Variants in NPEPL1 observed in about 807,000 individuals in gnomAD.
NPEPL1 encodes aminopeptidase like 1.
In NPEPL1, 45 loss-of-function variants were observed where a neutral mutation model predicts 52.4. The ratio of observed to expected loss-of-function variants is 0.86; its 90% CI spans 0.68 to 1.10. The LOEUF is 1.10. NPEPL1 is among the 50% of genes least tolerant of loss of function. The probability of loss-of-function intolerance (pLI) is 0.00; values close to 1 mark genes in which losing one functional copy is unlikely to be tolerated. For missense variants in NPEPL1, 696 were observed against 710.9 expected, an observed-to-expected ratio of 0.98 and a Z score of 0.24; for synonymous variants, 360 against 314.7, an observed-to-expected ratio of 1.14 and a Z score of -1.52.
chr20:58,704,297 A>T (rs979681258), intron 6 of NPEPL1: 9 of 974,746 alleles, frequency 9.2e-6, no homozygotes, highest in Non-Finnish European at 1.1e-5. Flanking sequence ...GAAAAAAAAA[A>T]TCACAGCTCC....
Position 58,713,926 on chromosome 20 carries a change from A to G in NPEPL1, c.1135A>G (p.Thr379Ala), listed in dbSNP as rs1206772755. 6.8e-7 allele frequency: 1 copy of G among 1,480,562 alleles called. No homozygotes were observed. The allele number at this position is 1,480,562 out of a possible 1,614,324, so 91.7% of individuals were successfully genotyped here. A position where few individuals can be genotyped will look rare whatever the true frequency, so the allele number is the denominator to read the frequency against. ...GTTCCTGCCCGCCCAGGGCATTGCC[A>G]CAGGGAAGTACCACGCCGCGGTGCT... ...ATLTGAQGIA[T>A]GKYHAAVLTN... The change falls in exon 10 of 12, where the codon ACA becomes GCA. Residue 379 changes from threonine (T) to alanine (A), a missense_variant. By Grantham distance (58) the Thr-to-Ala change is moderately conservative. Transcript: ENST00000356091. The surrounding 1 kb of genome is among the most constrained non-coding windows in gnomAD (Gnocchi z 4.6).
At chr20:58,706,378 C>T (rs546598583) in intron 6 of NPEPL1, among the ~76,000 whole-genome samples, 1 of 152,288 alleles carries the variant, frequency 6.6e-6, no homozygotes, top group South Asian at 2.1e-4. Context: ...CATCAACCCT[C>T]ACCATCATTC....
At position 58,715,513 on chromosome 20, in the gene NPEPL1, C is replaced by G; in HGVS notation, c.*187C>G. ...TTGGTGCGGGCCACGGGGAGGGGAC[C>G]GGGAAGCGCTGGGGCTTGTTTCTGT... On this transcript the variant is annotated 3_prime_UTR_variant, in exon 12 of 12. Transcript: ENST00000356091. The G allele has an allele frequency of 3.4e-6, 2 of 583,132 alleles. No homozygotes were observed. Among genetic ancestry groups the G allele is most frequent in the Non-Finnish European group, 5.8e-6 (2 of 347,706 alleles). The allele number at this position is 583,132 out of a possible 1,614,324, so 36.1% of individuals were successfully genotyped here. A position where few individuals can be genotyped will look rare whatever the true frequency, so the allele number is the denominator to read the frequency against.
intron 6 of NPEPL1, chr20:58,703,359 G>A: frequency 1.9e-6 from 1 of 527,266 alleles, no homozygotes; most frequent in Non-Finnish European, 2.4e-6. Flanking sequence ...AGAGATACCG[G>A]CACACGGTGG....
At position 58,701,167 on chromosome 20, in the gene NPEPL1, C is replaced by T. The variant is rs367985711; in HGVS notation, c.822+9C>T. On this transcript the variant is annotated intron_variant, in intron 6 of 11. Transcript: ENST00000356091. ...TCAGCATCAAAGGGAAGGTGAGGTGCGGGCTGGCTCTCAGGGTGCCCTGGG... is the reference window on the plus strand; with the variant it reads ...TCAGCATCAAAGGGAAGGTGAGGTGTGGGCTGGCTCTCAGGGTGCCCTGGG... The T allele has an allele frequency of 7.5e-6, 11 of 1,457,188 alleles. No individual in the cohort carries two copies. Among genetic ancestry groups the T allele is most frequent in the South Asian group, 1.3e-5 (1 of 79,836 alleles). 90.3% of individuals were successfully genotyped at this position (1,457,188 alleles called of 1,614,324 possible). A position where few individuals can be genotyped will look rare whatever the true frequency, so the allele number is the denominator to read the frequency against.
chr20:58,702,014 TG>T (rs2084636706), intron 6 of NPEPL1, among the ~76,000 whole-genome samples: 1 of 152,156 alleles, frequency 6.6e-6, no homozygotes, highest in African/African-American at 2.4e-5. Context: ...TGCTCAGGCC[TG>T]GGCTGGGAAG....
intron 11 of NPEPL1, 24 bp downstream of exon 11, chr20:58,714,694 GC>G: frequency 1.3e-6 from 2 of 1,538,474 alleles, no homozygotes; most frequent in Non-Finnish European, 1.8e-6. Context: ...CTCCCCACTG[GC>G]CCTGGCTGCT....
intron 4 of NPEPL1, among the ~76,000 whole-genome samples, 152 bp from the exon 5 acceptor site, chr20:58,699,045 C>G (rs966166770): frequency 1.3e-5 from 2 of 152,258 alleles, no homozygotes; most frequent in Admixed American, 1.3e-4. Flanking sequence ...GCCCCCTCTT[C>G]TGGGTTTCAT....
chr20:58,714,972 C>T (rs2084924605), intron 11 of NPEPL1, 196 bp from the exon 12 acceptor site: 3 of 670,124 alleles, frequency 4.5e-6, no homozygotes, highest in Admixed American at 3.0e-5. Flanking sequence ...CCCCTGCCTA[C>T]GCCTGGCCTG....
intron 5 of NPEPL1, 43 bp from the exon 6 acceptor site, chr20:58,700,973 G>C: frequency 6.9e-7 from 1 of 1,451,898 alleles, no homozygotes; most frequent in South Asian, 1.5e-5. Context: ...TCCCCGCTCA[G>C]CTCAGCCCGA....
At position 58,693,764 on chromosome 20, in the gene NPEPL1, A is replaced by C; in HGVS notation, c.178A>C (p.Asn60His). ...ELWQAALSTL[N>H]PNPTDSCPLY... ...CTGGCAGGCTGCCCTGAGCACGCTC[A>C]ACCCCAACCCCACGGACAGCTGTCC... is the stretch of plus-strand genomic sequence containing the variant. The change falls in exon 2 of 12, where the codon AAC becomes CAC. Residue 60 changes from asparagine (N) to histidine (H), a missense_variant. Transcript: ENST00000356091. 1 of 1,611,296 alleles carries C rather than the reference A, an allele frequency of 6.2e-7. No individual in the cohort carries two copies. The highest frequency in any genetic ancestry group is 8.5e-7 in the Non-Finnish European group (1 of 1,177,932).
chr20:58,711,122 T>TCCTCCCCCTCTCCTCCTCCCCCCCCTC (rs1555851564), intron 7 of NPEPL1: 1 of 46,132 alleles, frequency 2.2e-5, no homozygotes, highest in African/African-American at 1.1e-4. Flanking sequence ...CTCCTCCCCC[T>TCCTCCCCCTCTCCTCCTCCCCCCCCTC]CTCCTCCTCC....
Position 58,694,451 on chromosome 20 carries a change from T to C in NPEPL1, c.366T>C (p.Ala122=), listed in dbSNP as rs747028295. The C allele has an allele frequency of 6.8e-6, 11 of 1,613,248 alleles. No homozygotes were observed. In the East Asian group the frequency reaches 1.3e-4, roughly 20 times the overall value. The change falls in exon 3 of 12, where the codon GCT becomes GCC. Residue 122 remains alanine, a synonymous_variant. Transcript: ENST00000356091. ...TCTGCGAGCAGCCGGAGGTCTTTGC[T>C]TCCGCCTGTGCCCTGGCCCGGGCCT... The part of the protein sequence containing the change: ...VMVCEQPEVF[A]SACALARAFP...
upstream of NPEPL1, among the ~76,000 whole-genome samples, chr20:58,689,562 C>T (rs1337637996): frequency 6.6e-6 from 1 of 152,186 alleles, no homozygotes; most frequent in Non-Finnish European, 1.5e-5. Context: ...GGCCTGGTTC[C>T]ACATGAGCTT....
intron 8 of NPEPL1, chr20:58,712,856 A>G (rs535666312): frequency 3.9e-6 from 2 of 510,794 alleles, no homozygotes; most frequent in South Asian, 3.8e-5. Context: ...AGGTCTTTCC[A>G]AAATTTAGGC....
Position 58,693,781 on chromosome 20 carries a change from C to T in NPEPL1, c.195C>T (p.Asp65=). The change falls in exon 2 of 12, where the codon GAC becomes GAT. Residue 65 remains aspartate (D), a synonymous_variant. Transcript: ENST00000356091. ...ALSTLNPNPT[D]SCPLYLNYAT... ...GCACGCTCAACCCCAACCCCACGGA[C>T]AGCTGTCCCCTCTACCTGAACTACG... 3 of 1,613,650 alleles carry T rather than the reference C, an allele frequency of 1.9e-6. No homozygotes were observed. Among genetic ancestry groups the T allele is most frequent in the Middle Eastern group, 1.6e-4 (1 of 6,062 alleles).
At chr20:58,705,742 G>T (rs2084723706) in intron 6 of NPEPL1, among the ~76,000 whole-genome samples, 1 of 152,208 alleles carries the variant, frequency 6.6e-6, no homozygotes, top group Non-Finnish European at 1.5e-5. Context: ...GAAGGAGCTG[G>T]CAGCTGTGAC....
In NPEPL1 at chr20:58,713,865, GTT is replaced by G; in HGVS notation, c.1126-50_1126-49del. ...TCCCGGTCCCTCTTTTGCCTTGGGT[GTT>G]TCTCTCCTGCCGTCCCGTCCACACG... On this transcript the variant is annotated intron_variant, in intron 9 of 11. Transcript: ENST00000356091. This position sits in a 1 kb window ranked among gnomAD's most constrained non-coding sequence, Gnocchi z 4.6. The G allele has an allele frequency of 7.1e-7, 1 of 1,410,188 alleles. No individual in the cohort carries two copies. The highest frequency in any genetic ancestry group is 1.5e-5 in the African/African-American group (1 of 68,432). The allele number at this position is 1,410,188 out of a possible 1,614,324, so 87.4% of individuals were successfully genotyped here.
Position 58,715,442 on chromosome 20 carries a change from A to G in NPEPL1, c.*116A>G. The stretch of plus-strand genomic sequence containing the variant: ...GTTTTGGTTTGTCTTTCTGGTCGTC[A>G]GCGTGGTGGTGGAAACAGCTGAAGT... On this transcript the variant is annotated 3_prime_UTR_variant, in exon 12 of 12. Transcript: ENST00000356091. The G allele has an allele frequency of 8.6e-7, 1 of 1,167,570 alleles. No homozygotes were observed. The highest frequency in any genetic ancestry group is 1.2e-6 in the Non-Finnish European group (1 of 864,390). 72.3% of individuals were successfully genotyped at this position (1,167,570 alleles called of 1,614,324 possible). A position where few individuals can be genotyped will look rare whatever the true frequency, so the allele number is the denominator to read the frequency against.
Sources: gnomAD v4.1 joint callset for allele counts (sites outside exome capture counted in the v4.1 genomes callset) on GRCh38, gnomAD v4.1.1 for gene constraint, Gnocchi (gnomAD v3.1) non-coding constraint, MANE v1.5 for transcripts, NCBI Gene and HGNC (gene_info 2026-07-23, HGNC 2026-07-21) for gene names.